The following DPP6 variants were observed in gnomAD, a reference collection of about 807,000 sequenced individuals.
DPP6 encodes the protein A-type potassium channel modulatory protein DPP6.
A neutral mutation model predicts 122.6 loss-of-function variants in DPP6; 69 were observed. That is an observed-to-expected ratio of 0.56 (90% CI 0.46 to 0.69). The LOEUF is 0.69. Ranked by LOEUF, DPP6 falls within the 30% of genes least tolerant of loss-of-function variation. The pLI is 0.00. For missense variants in DPP6, 928 were observed against 1,116.9 expected (o/e 0.83, Z 2.41); for synonymous variants, 418 against 433.1 (o/e 0.97, Z 0.43).
chr7:154,174,231 G>C (rs1026936757), intron 1 of DPP6, among the ~76,000 whole-genome samples: 1 of 152,178 alleles, frequency 6.6e-6, no homozygotes, highest in Non-Finnish European at 1.5e-5. Flanking sequence ...TTGCAGTTCT[G>C]TTTACCCATT....
intron 1 of DPP6, among the ~76,000 whole-genome samples, chr7:154,283,831 G>GT (rs1804680498): frequency 1.3e-5 from 2 of 152,090 alleles, no homozygotes; most frequent in Non-Finnish European, 2.9e-5. Context: ...ACTCTCTGTG[G>GT]GACATTTGCT....
At chr7:154,124,521 G>T (rs775860762) in intron 1 of DPP6, among the ~76,000 whole-genome samples, 1 of 152,186 alleles carries the variant, frequency 6.6e-6, no homozygotes, top group African/African-American at 2.4e-5. Context: ...GGGAGTTAGT[G>T]TTTTCTCCTA....
intron 1 of DPP6, among the ~76,000 whole-genome samples, chr7:154,344,792 G>A (rs897371631): frequency 2.6e-5 from 4 of 152,174 alleles, no homozygotes; most frequent in African/African-American, 9.7e-5. Context: ...GGAGGCTGAG[G>A]CAGGAGAATT....
chr7:153,940,818 T>C (rs1257812518), intron 1 of DPP6, among the ~76,000 whole-genome samples: 1 of 152,202 alleles, frequency 6.6e-6, no homozygotes, highest in Non-Finnish European at 1.5e-5. Flanking sequence ...ATGTAAGATC[T>C]GAATAAAAGC....
At chr7:154,874,925 T>C (rs1365946133) in intron 19 of DPP6, among the ~76,000 whole-genome samples, 1 of 152,116 alleles carries the variant, frequency 6.6e-6, no homozygotes, top group Non-Finnish European at 1.5e-5. Flanking sequence ...ACCCCATCTC[T>C]ACAGATTAAC....
chr7:154,658,273 G>A (rs937644851), intron 6 of DPP6, among the ~76,000 whole-genome samples: 3 of 152,196 alleles, frequency 2.0e-5, no homozygotes, highest in African/African-American at 7.2e-5. Flanking sequence ...CTGAGGGCAG[G>A]GGAAGAAGGA....
intron 1 of DPP6, among the ~76,000 whole-genome samples, chr7:154,029,044 G>A (rs10252823): frequency 0.019 from 2,847 of 147,990 alleles, 31 homozygotes; most frequent in East Asian, 0.049. Flanking sequence ...CCGGCACGGT[G>A]GGGAGTCCAC....
chr7:154,036,036 G>C (rs9640339), intron 1 of DPP6, among the ~76,000 whole-genome samples: 32,468 of 151,682 alleles, frequency 0.21, 3,820 homozygotes, highest in Non-Finnish European at 0.24. Flanking sequence ...GTGTGTGTGT[G>C]TGTGTGTGTG....
At chr7:154,284,564 T>A (rs1240417536) in intron 1 of DPP6, among the ~76,000 whole-genome samples, 1 of 152,166 alleles carries the variant, frequency 6.6e-6, no homozygotes, top group Non-Finnish European at 1.5e-5. Flanking sequence ...TTGAAAACAC[T>A]ATGCCAGAGA....
chr7:154,185,168 C>G (rs1001173756), intron 1 of DPP6, among the ~76,000 whole-genome samples: 1 of 152,208 alleles, frequency 6.6e-6, no homozygotes, highest in Non-Finnish European at 1.5e-5. Flanking sequence ...AATCACAAAG[C>G]ATTCAAATGT....
intron 1 of DPP6, among the ~76,000 whole-genome samples, chr7:154,362,303 G>A (rs1029369420): frequency 1.3e-5 from 2 of 152,172 alleles, no homozygotes; most frequent in Non-Finnish European, 2.9e-5. Flanking sequence ...CTGCAAGTGG[G>A]ATTCCTGCCC....
intron 8 of DPP6, among the ~76,000 whole-genome samples, chr7:154,764,839 G>T (rs1055546478): frequency 1.3e-5 from 2 of 152,258 alleles, no homozygotes; most frequent in Middle Eastern, 3.4e-3. Context: ...GTTCAATAAG[G>T]TTAATTTCCC....
At chr7:154,512,663 C>CACA (rs1267870854) in intron 3 of DPP6, among the ~76,000 whole-genome samples, 8 of 151,950 alleles carry the variant, frequency 5.3e-5, no homozygotes, top group Admixed American at 2.0e-4. Context: ...TCTCAAATCA[C>CACA]ACACTACAAA....
the DPP6 span, among the ~76,000 whole-genome samples, chr7:153,754,079 T>A: frequency 3.3e-5 from 5 of 152,228 alleles, no homozygotes; most frequent in African/African-American, 4.8e-5. Context: ...TATTACACTT[T>A]GTGGAAATTT....
rs758439812 is a variant in DPP6 at position 154,769,532 on chromosome 7, C to T, written c.999C>T (p.Gly333=). The T allele has an allele frequency of 6.8e-6, 11 of 1,612,902 alleles. No homozygotes were observed. Among genetic ancestry groups the T allele is most frequent in the Non-Finnish European group, 9.3e-6 (11 of 1,179,346 alleles). Residue 333 remains glycine (G), a synonymous_variant, in exon 9 of 26, where the codon GGC becomes GGT. Transcript: ENST00000377770. ...TCATGGAGCTCCCAACTTACACCGGCTCCATCTACCCCACCGTGAAGCCCT... is the reference window on the plus strand; with the variant it reads ...TCATGGAGCTCCCAACTTACACCGGTTCCATCTACCCCACCGTGAAGCCCT... ...VPIMELPTYT[G]SIYPTVKPYH...
intron 3 of DPP6, among the ~76,000 whole-genome samples, chr7:154,503,411 C>A (rs12703358): frequency 3.3e-5 from 5 of 152,042 alleles, no homozygotes; most frequent in South Asian, 2.1e-4. Flanking sequence ...TCAGCCATTC[C>A]TTTCTTCACC....
Position 154,618,720 on chromosome 7 carries a change from A to G in DPP6, c.628-19101A>G, listed in dbSNP as rs996093965. On this transcript the variant is annotated intron_variant, in intron 5 of 25. Coordinates refer to ENST00000377770, the MANE Select transcript of DPP6 (RefSeq NM_130797.4). This position sits in a 1 kb window ranked among gnomAD's most constrained non-coding sequence, Gnocchi z 4.1. ...ACTGAAAACTCAGCACATGCCTACTAAATGCTCTGTAGGCTTTATCTCATT... is the reference window on the plus strand; with the variant it reads ...ACTGAAAACTCAGCACATGCCTACTGAATGCTCTGTAGGCTTTATCTCATT... Among the ~76,000 whole-genome samples, 2 of 152,096 alleles carry G rather than the reference A, an allele frequency of 1.3e-5. No homozygotes were observed. The highest frequency in any genetic ancestry group is 2.1e-4 in the South Asian group (1 of 4,810).
intron 1 of DPP6, among the ~76,000 whole-genome samples, chr7:154,061,656 C>T (rs1431142804): frequency 2.3e-4 from 32 of 138,480 alleles, no homozygotes; most frequent in Admixed American, 2.2e-3. Context: ...GGACTCAGAG[C>T]CAACCCCTCT....
At chr7:154,465,184 G>A (rs145304418) in intron 2 of DPP6, among the ~76,000 whole-genome samples, 262 of 152,258 alleles carry the variant, frequency 1.7e-3, no homozygotes, top group African/African-American at 5.6e-3. Context: ...GTTTAGAAAG[G>A]TTACAGAATG....
Sources: gnomAD v4.1 joint callset for allele counts (sites outside exome capture counted in the v4.1 genomes callset) on GRCh38, gnomAD v4.1.1 for gene constraint, Gnocchi (gnomAD v3.1) non-coding constraint, MANE v1.5 for transcripts, NCBI Gene and HGNC (gene_info 2026-07-23, HGNC 2026-07-21) for gene names.